The following PTPN4 variants were observed in gnomAD, a reference collection of about 807,000 sequenced individuals.
The protein encoded by PTPN4 is protein tyrosine phosphatase non-receptor type 4.
PTPN4 carries 49 observed loss-of-function variants against 135.5 expected under a neutral mutation model. That is an observed-to-expected ratio of 0.36 (90% confidence interval 0.29 to 0.46). PTPN4 has a LOEUF of 0.46. PTPN4 is among the 20% of genes least tolerant of loss of function. PTPN4 has a pLI of 1.00. For synonymous variants in PTPN4, 333 were observed against 369.9 expected, an observed-to-expected ratio of 0.90 and a Z score of 1.14; for missense variants, 860 against 1,101.0, an observed-to-expected ratio of 0.78 and a Z score of 3.10.
At chr2:119,838,853 C>A (rs1026296315) in intron 2 of PTPN4, among the ~76,000 whole-genome samples, 14 of 152,292 alleles carry the variant, frequency 9.2e-5, no homozygotes, top group Admixed American at 5.2e-4. Context: ...ATTCAACTAA[C>A]CAAATATGTA....
chr2:119,784,227 C>G (rs1033460845), intron 1 of PTPN4, among the ~76,000 whole-genome samples: 3 of 151,642 alleles, frequency 2.0e-5, no homozygotes, highest in Non-Finnish European at 4.4e-5. Flanking sequence ...CAAGCTTCTT[C>G]CCCCACCCCT....
At chr2:119,782,713 C>T (rs1690964782) in intron 1 of PTPN4, among the ~76,000 whole-genome samples, 2 of 125,616 alleles carry the variant, frequency 1.6e-5, no homozygotes, top group African/African-American at 5.8e-5. Context: ...CCCCCACCCC[C>T]CTTTTTTTTT....
chr2:119,785,355 A>T (rs1024599089), intron 1 of PTPN4, among the ~76,000 whole-genome samples: 9 of 151,746 alleles, frequency 5.9e-5, no homozygotes, highest in Non-Finnish European at 1.0e-4. Flanking sequence ...TTTTTTAAAA[A>T]CTCCTCAAGT....
Position 119,956,919 on chromosome 2 carries a change from A to G in PTPN4, c.2056A>G (p.Arg686Gly). ...TCAGAATATTTCCAAAAATAGATAC[A>G]GAGATATTTCGCCTTGTAAGTATCT... ...LPQNISKNRY[R>G]DISPYDATRV... Residue 686 changes from arginine to glycine, a missense_variant, in exon 21 of 27, where the codon AGA (arginine) becomes GGA (glycine). Arg to Gly is a moderately radical substitution (Grantham distance 125). Coordinates refer to ENST00000263708, the MANE Select transcript of PTPN4 (RefSeq NM_002830.4). The G allele has an allele frequency of 6.2e-7, 1 of 1,610,646 alleles. No individual in the cohort carries two copies.
chr2:119,887,916 G>T (rs1234712033), intron 9 of PTPN4, among the ~76,000 whole-genome samples: 3 of 152,082 alleles, frequency 2.0e-5, no homozygotes, highest in African/African-American at 7.2e-5. Flanking sequence ...GAACGATGTT[G>T]GTATTTTGAT....
intron 19 of PTPN4, among the ~76,000 whole-genome samples, chr2:119,952,782 C>T (rs1470182347): frequency 6.6e-6 from 1 of 152,188 alleles, no homozygotes; most frequent in Non-Finnish European, 1.5e-5. Context: ...AACTTGAATG[C>T]CGTAAGCTCT....
At chr2:119,761,938 CATCTT>C (rs1392179486) in intron 1 of PTPN4, among the ~76,000 whole-genome samples, 1 of 152,160 alleles carries the variant, frequency 6.6e-6, no homozygotes, top group African/African-American at 2.4e-5. Flanking sequence ...CATTTTCTAA[CATCTT>C]AGCTTCAGAG....
At chr2:119,822,454 G>A (rs1196948896) in intron 2 of PTPN4, among the ~76,000 whole-genome samples, 2 of 150,122 alleles carry the variant, frequency 1.3e-5, no homozygotes, top group African/African-American at 4.9e-5. Flanking sequence ...CACCTTGCGG[G>A]TTCAAGTGAT....
intron 10 of PTPN4, among the ~76,000 whole-genome samples, chr2:119,912,215 C>T (rs1216937356): frequency 3.9e-5 from 6 of 152,102 alleles, no homozygotes; most frequent in Non-Finnish European, 7.4e-5. Context: ...TATATAAATT[C>T]TAGAAAATTC....
At chr2:119,914,903 G>A (rs1367322967) in intron 10 of PTPN4, among the ~76,000 whole-genome samples, 4 of 152,128 alleles carry the variant, frequency 2.6e-5, no homozygotes, top group Non-Finnish European at 5.9e-5. Flanking sequence ...GTTTTAGAGA[G>A]TAAACAACTA....
intron 14 of PTPN4, 89 bp from the exon 15 acceptor site, chr2:119,934,710 AC>A: frequency 7.7e-7 from 1 of 1,297,636 alleles, no homozygotes. Context: ...AAAAACACAT[AC>A]CCCCTTTCTG....
intron 2 of PTPN4, among the ~76,000 whole-genome samples, chr2:119,854,776 A>G (rs529149788): frequency 1.3e-5 from 2 of 152,360 alleles, no homozygotes; most frequent in Admixed American, 6.5e-5. Flanking sequence ...GGAATTCATT[A>G]AAGAGGGATT....
intron 15 of PTPN4, among the ~76,000 whole-genome samples, chr2:119,939,327 G>T (rs1679029207): frequency 6.6e-6 from 1 of 152,112 alleles, no homozygotes; most frequent in Admixed American, 6.5e-5. Context: ...TAGGGACAGG[G>T]TCTTGCTCTG....
rs952587858 is a variant in PTPN4 at position 119,846,882 on chromosome 2, T to C, written c.139-15654T>C. Among the ~76,000 whole-genome samples the C allele has an allele frequency of 2.0e-5, 3 of 151,856 alleles. No homozygotes were observed. In the South Asian group the frequency reaches 6.2e-4, roughly 31 times the overall value. The stretch of plus-strand genomic sequence containing the variant: ...AGAAATGTTACTTTATATAGCTCAG[T>C]TTCCTCTTTCCCCTTCTTGTGCTAT... On this transcript the variant is annotated intron_variant, in intron 2 of 26. Transcript: ENST00000263708.
chr2:119,898,701 G>A (rs1350420309), intron 9 of PTPN4, among the ~76,000 whole-genome samples: 3 of 152,176 alleles, frequency 2.0e-5, no homozygotes, highest in East Asian at 3.9e-4. Flanking sequence ...TGGTCAAAGT[G>A]TATTTTTCTA....
chr2:119,864,711 C>T (rs529403983), intron 3 of PTPN4, among the ~76,000 whole-genome samples: 3 of 152,214 alleles, frequency 2.0e-5, no homozygotes, highest in South Asian at 4.1e-4. Context: ...TACAAAAAGA[C>T]ATATCATATA....
intron 25 of PTPN4, among the ~76,000 whole-genome samples, chr2:119,967,627 C>A (rs764791571): frequency 2.6e-5 from 4 of 152,090 alleles, no homozygotes; most frequent in African/African-American, 9.7e-5. Flanking sequence ...TTCCAACTAA[C>A]GTGGTAGATG....
Position 119,946,425 on chromosome 2 carries a change from GTAATCTGGAATTTATTT to G in PTPN4, c.1599+4_1599+20del, listed in dbSNP as rs781363066. The G allele has an allele frequency of 7.5e-6, 12 of 1,606,168 alleles. No homozygotes were observed. The Admixed American group carries it at 1.7e-4, about 22-fold the overall frequency. ...TGGGAGGTTTGGATTCAATGTAAAG[GTAATCTGGAATTTATTT>G]TATACTCAGTTTTTAAATTAAGATG... is the stretch of plus-strand genomic sequence containing the variant. On this transcript the variant is annotated splice_donor_variant and splice_donor_5th_base_variant and intron_variant, in intron 17 of 26. Transcript: ENST00000263708. LOFTEE classifies it high-confidence loss of function.
At chr2:119,973,508 G>A (rs541502153) in intron 26 of PTPN4, among the ~76,000 whole-genome samples, 1 of 152,104 alleles carries the variant, frequency 6.6e-6, no homozygotes, top group South Asian at 2.1e-4. Context: ...ACCTAGAAGA[G>A]GAATTCCTGG....
Sources: gnomAD v4.1 joint callset for allele counts (sites outside exome capture counted in the v4.1 genomes callset) on GRCh38, gnomAD v4.1.1 for gene constraint, MANE v1.5 for transcripts, NCBI Gene and HGNC (gene_info 2026-07-23, HGNC 2026-07-21) for gene names.